Variants in IL1RAPL1 observed in about 807,000 individuals in gnomAD.
The protein encoded by IL1RAPL1 is interleukin-1 receptor accessory protein-like 1.
Under a neutral mutation model 48.4 loss-of-function variants are expected in IL1RAPL1, and 3 were observed. The ratio of observed to expected loss-of-function variants is 0.06; its 90% CI spans 0.03 to 0.16. The LOEUF is 0.16. Ranked by LOEUF, IL1RAPL1 falls within the 10% of genes least tolerant of loss-of-function variation. The pLI, the probability that IL1RAPL1 is intolerant of heterozygous loss-of-function variation, is 1.00. For synonymous variants in IL1RAPL1, 185 were observed against 187.7 expected, an observed-to-expected ratio of 0.99 and a Z score of 0.12; for missense variants, 349 against 530.6, an observed-to-expected ratio of 0.66 and a Z score of 3.36.
chrX:28,896,773 G>C (rs140411821), intron 2 of IL1RAPL1, among the ~76,000 whole-genome samples: 22 of 110,095 alleles, frequency 2.0e-4, no homozygotes, highest in African/African-American at 6.6e-4. Context: ...GAGAACAAGC[G>C]GGAGGGAAAG....
chrX:29,217,769 T>TCG (rs1461526347), intron 2 of IL1RAPL1, among the ~76,000 whole-genome samples: 1 of 71,135 alleles, frequency 1.4e-5, no homozygotes, highest in African/African-American at 5.1e-5. Context: ...TCTCTCTCTC[T>TCG]CTCTCTCTCA....
intron 2 of IL1RAPL1, among the ~76,000 whole-genome samples, chrX:29,152,157 A>G (rs1410006874): frequency 2.7e-5 from 3 of 111,196 alleles, no homozygotes; most frequent in Non-Finnish European, 5.7e-5. Flanking sequence ...ACTGCCCTTT[A>G]TAAAGCCACC....
intron 2 of IL1RAPL1, among the ~76,000 whole-genome samples, chrX:28,900,726 GGTATTTTTATTTGGAA>G (rs1374015233): frequency 3.6e-5 from 4 of 111,111 alleles, no homozygotes; most frequent in African/African-American, 9.8e-5. Flanking sequence ...CCCACTTCCA[GGTATTTTTATTTGGAA>G]GTATTTTTAT....
chrX:29,800,643 G>T (rs1288210014), intron 6 of IL1RAPL1, among the ~76,000 whole-genome samples: 1 of 108,673 alleles, frequency 9.2e-6, no homozygotes, highest in Non-Finnish European at 1.9e-5. Flanking sequence ...AAGGTATTCT[G>T]ACTTTTAATT....
At chrX:29,679,111 A>G (rs1926374563) in intron 6 of IL1RAPL1, among the ~76,000 whole-genome samples, 1 of 111,431 alleles carries the variant, frequency 9.0e-6, no homozygotes, top group African/African-American at 3.3e-5. Flanking sequence ...TTTCTGGAAA[A>G]ATAAAACTGA....
At chrX:29,162,988 A>G (rs185410872) in intron 2 of IL1RAPL1, among the ~76,000 whole-genome samples, 5 of 108,561 alleles carry the variant, frequency 4.6e-5, no homozygotes, top group Admixed American at 4.0e-4. Context: ...CAGGAGAATC[A>G]CTTGAACCTG....
At chrX:29,160,776 G>A (rs1313350854) in intron 2 of IL1RAPL1, among the ~76,000 whole-genome samples, 1 of 112,355 alleles carries the variant, frequency 8.9e-6, no homozygotes, top group African/African-American at 3.2e-5. Context: ...AGTGTGGGCC[G>A]GGTTGGGTGG....
intron 2 of IL1RAPL1, among the ~76,000 whole-genome samples, chrX:29,252,132 G>C (rs1361297518): frequency 2.8e-5 from 3 of 107,246 alleles, no homozygotes; most frequent in Non-Finnish European, 5.8e-5. Flanking sequence ...AGGGGAGGGG[G>C]GAGGGATAGC....
rs188206726 is a variant in IL1RAPL1, at chrX:29,820,473, C to G, written c.779-96991C>G. Among the ~76,000 whole-genome samples, 235 of 111,989 alleles carry G rather than the reference C, an allele frequency of 2.1e-3. 2 individuals are homozygous for G. The highest frequency in any genetic ancestry group is 7.2e-3 in the African/African-American group (224 of 30,922). On this transcript the variant is annotated intron_variant, in intron 6 of 10. Transcript: ENST00000378993. ...GACTATTCAGCCATGGGGAGCTTCT[C>G]AGAAACATTAGAATCCTTTATAGGG...
intron 3 of IL1RAPL1, among the ~76,000 whole-genome samples, chrX:29,342,487 C>G (rs1173552476): frequency 9.0e-6 from 1 of 111,141 alleles, no homozygotes; most frequent in Non-Finnish European, 1.9e-5. Context: ...AAAATGAAGC[C>G]ACATGTAATT....
chrX:29,088,608 G>A (rs1341288177), intron 2 of IL1RAPL1, among the ~76,000 whole-genome samples: 2 of 103,817 alleles, frequency 1.9e-5, no homozygotes, highest in Admixed American at 2.1e-4. Context: ...CCCAGGAGGC[G>A]GAGGTTGCAG....
At chrX:28,679,743 T>TGGGTACCCTAG (rs1935036898) in intron 1 of IL1RAPL1, among the ~76,000 whole-genome samples, 1 of 112,070 alleles carries the variant, frequency 8.9e-6, no homozygotes, top group African/African-American at 3.2e-5. Flanking sequence ...TTTCTGGGCA[T>TGGGTACCCTAG]CTTTGTTAAG....
At chrX:29,039,696 G>A (rs1315912043) in intron 2 of IL1RAPL1, among the ~76,000 whole-genome samples, 1 of 106,938 alleles carries the variant, frequency 9.4e-6, no homozygotes, top group African/African-American at 3.4e-5. Flanking sequence ...AACTTAAGGA[G>A]GATAAGCTAT....
At chrX:29,898,082 G>A (rs772417087) in intron 6 of IL1RAPL1, among the ~76,000 whole-genome samples, 1 of 111,744 alleles carries the variant, frequency 8.9e-6, no homozygotes, top group Non-Finnish European at 1.9e-5. Flanking sequence ...GTTCTTTAAA[G>A]CTTCATCCGT....
chrX:29,942,586 A>G (rs1336158112), intron 9 of IL1RAPL1, among the ~76,000 whole-genome samples: 2 of 110,912 alleles, frequency 1.8e-5, no homozygotes, highest in African/African-American at 3.3e-5. Flanking sequence ...CAAACTGACA[A>G]TGAATAGTAC....
intron 2 of IL1RAPL1, among the ~76,000 whole-genome samples, chrX:29,263,864 C>G (rs914777905): frequency 2.2e-5 from 2 of 92,563 alleles, no homozygotes; most frequent in Admixed American, 2.3e-4. Context: ...TCTCTCTCCC[C>G]CCCCCCCGCT....
intron 2 of IL1RAPL1, among the ~76,000 whole-genome samples, chrX:29,218,235 C>T (rs188490878): frequency 4.5e-5 from 5 of 111,797 alleles, no homozygotes; most frequent in East Asian, 2.8e-4. Context: ...TGGACACATC[C>T]GGTATAATTT....
intron 5 of IL1RAPL1, among the ~76,000 whole-genome samples, chrX:29,570,347 C>T: frequency 8.9e-6 from 1 of 112,159 alleles, no homozygotes. Flanking sequence ...ATTTTCAATG[C>T]ATATAAGCTA....
intron 6 of IL1RAPL1, among the ~76,000 whole-genome samples, chrX:29,823,748 G>A (rs991944174): frequency 1.8e-5 from 2 of 111,545 alleles, no homozygotes; most frequent in Admixed American, 1.9e-4. Flanking sequence ...TCATATTTAT[G>A]GAAACATTGT....
Sources: gnomAD v4.1 joint callset for allele counts (sites outside exome capture counted in the v4.1 genomes callset) on GRCh38, gnomAD v4.1.1 for gene constraint, MANE v1.5 for transcripts, NCBI Gene and HGNC (gene_info 2026-07-23, HGNC 2026-07-21) for gene names.